VOPP1: variants seen among roughly 807,000 people sequenced by gnomAD.
VOPP1 encodes WW domain binding protein VOPP1.
VOPP1 carries 8 observed loss-of-function variants against 23.5 expected under a neutral mutation model. The observed-to-expected ratio is 0.34, with a 90% CI of 0.20 to 0.61. VOPP1 has a LOEUF of 0.61. VOPP1 is among the 20% of genes least tolerant of loss of function. The pLI, the probability that VOPP1 is intolerant of heterozygous loss-of-function variation, is 0.78. For missense variants in VOPP1, 174 were observed against 238.1 expected, an observed-to-expected ratio of 0.73 and a Z score of 1.77; for synonymous variants, 83 against 97.3, an observed-to-expected ratio of 0.85 and a Z score of 0.86.
intron 3 of VOPP1, chr7:55,493,242 C>CTAG (rs1350240109): frequency 6.7e-6 from 1 of 149,068 alleles, no homozygotes; most frequent in African/African-American, 2.4e-5. Context: ...TTGAGAAGAA[C>CTAG]TAGTAGTAGA....
downstream of VOPP1, among the ~76,000 whole-genome samples, chr7:55,468,193 C>T (rs1418261087): frequency 2.6e-5 from 4 of 151,550 alleles, no homozygotes; most frequent in South Asian, 4.2e-4. Context: ...ATCCCTTGAA[C>T]CCGGGAGGAG....
In VOPP1 at chr7:55,472,825, C is replaced by A; in HGVS notation, c.*30G>T. 9.8e-7 allele frequency: 1 copy of A among 1,021,068 alleles called. No homozygotes were observed. The highest frequency in any genetic ancestry group is 1.3e-6 in the Non-Finnish European group (1 of 745,674). The allele number at this position is 1,021,068 out of a possible 1,614,324, so 63.3% of individuals were successfully genotyped here. On this transcript the variant is annotated 3_prime_UTR_variant, in exon 5 of 5. Coordinates refer to ENST00000285279, the MANE Select transcript of VOPP1 (RefSeq NM_030796.5). Reference sequence around the variant, plus strand: ...AGAAAGGCCAGGGAAAGGCCCTCTCCTGTCTCTCCTCTTGCACGTGGGCAC... The same window carrying A: ...AGAAAGGCCAGGGAAAGGCCCTCTCATGTCTCTCCTCTTGCACGTGGGCAC...
intron 4 of VOPP1, among the ~76,000 whole-genome samples, chr7:55,446,497 G>GA (rs1457574346): frequency 6.6e-6 from 1 of 152,052 alleles, no homozygotes; most frequent in African/African-American, 2.4e-5. Context: ...TCCTGTGATG[G>GA]AAAAAAATTT....
At chr7:55,441,546 A>C (rs1790964729) in intron 4 of VOPP1, among the ~76,000 whole-genome samples, 1 of 152,218 alleles carries the variant, frequency 6.6e-6, no homozygotes, top group African/African-American at 2.4e-5. Context: ...GGGAGGATTA[A>C]ATAATTTGAG....
chr7:55,522,088 G>C (rs929021104), intron 1 of VOPP1, among the ~76,000 whole-genome samples: 1 of 152,192 alleles, frequency 6.6e-6, no homozygotes, highest in East Asian at 1.9e-4. Context: ...AGGCAGGGCC[G>C]TCCTGCCCAA....
At chr7:55,436,673 T>C (rs1183146558) in intron 4 of VOPP1, among the ~76,000 whole-genome samples, 3 of 151,736 alleles carry the variant, frequency 2.0e-5, no homozygotes, top group African/African-American at 4.8e-5. Context: ...TGTGCGTGCG[T>C]GTGCGTGTGT....
rs963640826 is a variant in VOPP1, at chr7:55,472,837, T to C, written c.*18A>G. 2.7e-6 allele frequency: 3 copies of C among 1,093,462 alleles called. No individual in the cohort carries two copies. The highest frequency in any genetic ancestry group is 3.7e-6 in the Non-Finnish European group (3 of 808,060). The allele number at this position is 1,093,462 out of a possible 1,614,324, so 67.7% of individuals were successfully genotyped here. A position where few individuals can be genotyped will look rare whatever the true frequency, so the allele number is the denominator to read the frequency against. ...GAAAGGCCCTCTCCTGTCTCTCCTCTTGCACGTGGGCACCCCACTACTTGG... is the reference window on the plus strand; with the variant it reads ...GAAAGGCCCTCTCCTGTCTCTCCTCCTGCACGTGGGCACCCCACTACTTGG... On this transcript the variant is annotated 3_prime_UTR_variant, in exon 5 of 5. Coordinates refer to ENST00000285279, the MANE Select transcript of VOPP1 (RefSeq NM_030796.5).
intron 1 of VOPP1, among the ~76,000 whole-genome samples, chr7:55,547,882 G>A (rs1458766483): frequency 6.6e-6 from 1 of 152,240 alleles, no homozygotes; most frequent in Admixed American, 6.5e-5. Context: ...CCCTGAGCCT[G>A]CAGGCATGTG....
Position 55,521,056 on chromosome 7 carries a change from A to G in VOPP1, c.113+16T>C, listed in dbSNP as rs142612678. On this transcript the variant is annotated intron_variant, in intron 2 of 4. Coordinates refer to ENST00000285279, the MANE Select transcript of VOPP1 (RefSeq NM_030796.5). The stretch of plus-strand genomic sequence containing the variant: ...ATGGCCACAGAATGAAACCACAGAA[A>G]GGTGCAAATACTTACATATAATAGG... The G allele has an allele frequency of 2.0e-4, 307 of 1,565,410 alleles. 3 individuals carry two copies. In the East Asian group the frequency reaches 7.1e-3, roughly 36 times the overall value.
intron 2 of VOPP1, among the ~76,000 whole-genome samples, chr7:55,505,693 GGGA>G (rs1794678792): frequency 1.1e-5 from 1 of 92,280 alleles, no homozygotes; most frequent in Non-Finnish European, 2.3e-5. Context: ...GAGGGAGGGA[GGGA>G]GGGAGGGAAG....
intron 1 of VOPP1, among the ~76,000 whole-genome samples, chr7:55,528,451 A>G (rs1243136665): frequency 6.6e-6 from 1 of 152,204 alleles, no homozygotes; most frequent in Non-Finnish European, 1.5e-5. Flanking sequence ...AGTACCCAAA[A>G]AAGAAGTGAA....
chr7:55,570,870 A>C (rs1451780467), intron 1 of VOPP1, among the ~76,000 whole-genome samples: 1 of 152,144 alleles, frequency 6.6e-6, no homozygotes, highest in African/African-American at 2.4e-5. Flanking sequence ...TGAACCCAGG[A>C]GGCGGAGATT....
chr7:55,478,054 C>T (rs546318361), intron 4 of VOPP1, among the ~76,000 whole-genome samples: 5 of 152,258 alleles, frequency 3.3e-5, no homozygotes, highest in Admixed American at 2.0e-4. Flanking sequence ...GAAGAGCAAC[C>T]GAGAGAAGGT....
intron 1 of VOPP1, among the ~76,000 whole-genome samples, chr7:55,564,093 C>T (rs923092701): frequency 6.6e-6 from 1 of 152,172 alleles, no homozygotes; most frequent in Non-Finnish European, 1.5e-5. Context: ...TTTTACACAG[C>T]TGCCCTTAGG....
At chr7:55,529,296 C>T (rs1449280273) in intron 1 of VOPP1, among the ~76,000 whole-genome samples, 4 of 142,662 alleles carry the variant, frequency 2.8e-5, no homozygotes, top group Non-Finnish European at 6.0e-5. Context: ...ACCTGGGAGG[C>T]GGAGGTTACA....
intron 2 of VOPP1, among the ~76,000 whole-genome samples, chr7:55,503,580 C>T (rs1794512049): frequency 6.6e-6 from 1 of 152,198 alleles, no homozygotes; most frequent in African/African-American, 2.4e-5. Flanking sequence ...TGGAAAGTGT[C>T]TCCCCTAGAC....
At position 55,487,498 on chromosome 7, in the gene VOPP1, G is replaced by A. The variant is rs557349232; in HGVS notation, c.328+4784C>T. Reference sequence around the variant, plus strand: ...GTCAAGCTATGTTGCCCAGGCTGGAGGACAGTGGCTATTCACAGGCTTAAT... The same window carrying A: ...GTCAAGCTATGTTGCCCAGGCTGGAAGACAGTGGCTATTCACAGGCTTAAT... On this transcript the variant is annotated intron_variant, in intron 4 of 4. Transcript: ENST00000285279. Among the ~76,000 whole-genome samples the A allele has an allele frequency of 4.1e-4, 62 of 152,290 alleles. No individual in the cohort carries two copies. In the South Asian group the frequency reaches 5.6e-3, roughly 14 times the overall value.
chr7:55,535,160 C>T (rs573012131), intron 1 of VOPP1, among the ~76,000 whole-genome samples: 19 of 152,296 alleles, frequency 1.2e-4, no homozygotes, highest in African/African-American at 4.1e-4. Context: ...CAGGGGGCTA[C>T]GCAGGGCTCT....
intron 2 of VOPP1, among the ~76,000 whole-genome samples, chr7:55,498,829 G>A (rs1490146139): frequency 2.0e-5 from 3 of 152,186 alleles, no homozygotes; most frequent in Non-Finnish European, 2.9e-5. Context: ...ACAGCGGCCT[G>A]GAACTCAGCA....
Sources: allele counts gnomAD v4.1 joint callset (sites outside exome capture counted in the v4.1 genomes callset), GRCh38; gene constraint gnomAD v4.1.1; transcripts MANE v1.5; gene names NCBI Gene and HGNC (gene_info 2026-07-23, HGNC 2026-07-21).